The following MRPL16 variants were observed in gnomAD, a reference collection of about 807,000 sequenced individuals.
MRPL16 encodes mitochondrial ribosomal protein L16, also known as large ribosomal subunit protein uL16m.
In MRPL16, 17 loss-of-function variants were observed where a neutral mutation model predicts 22.7. The ratio of observed to expected loss-of-function variants is 0.75; its 90% CI spans 0.51 to 1.12. The LOEUF (loss-of-function observed/expected upper bound fraction) is 1.12. Ranked by LOEUF, MRPL16 falls within the 50% of genes most tolerant of loss-of-function variation. The probability of loss-of-function intolerance (pLI) is 0.00; values close to 1 mark genes in which losing one functional copy is unlikely to be tolerated. For missense variants in MRPL16, 316 were observed against 328.7 expected, an observed-to-expected ratio of 0.96 and a Z score of 0.30; for synonymous variants, 103 against 112.8, an observed-to-expected ratio of 0.91 and a Z score of 0.55.
intron 2 of MRPL16, 176 bp downstream of exon 2, chr11:59,809,679 T>G: frequency 4.5e-6 from 3 of 670,594 alleles, no homozygotes; most frequent in Non-Finnish European, 7.4e-6. Flanking sequence ...TCCTTTGTCT[T>G]TGATTTATTT....
At chr11:59,809,502 C>T (rs1866151454) in intron 2 of MRPL16, 1 of 233,646 alleles carries the variant, frequency 4.3e-6, no homozygotes, top group Admixed American at 6.2e-5. Context: ...GCCTCCGCCT[C>T]CTAAAGTGCT....
At chr11:59,810,060 C>T in intron 1 of MRPL16, 140 bp from the exon 2 acceptor site, 1 of 732,166 alleles carries the variant, frequency 1.4e-6, no homozygotes, top group Non-Finnish European at 2.1e-6. Flanking sequence ...GGATCCAGTG[C>T]AGTGGCGCGA....
intron 2 of MRPL16, 127 bp from the exon 3 acceptor site, chr11:59,807,976 G>GTC: frequency 9.1e-7 from 1 of 1,100,812 alleles, no homozygotes; most frequent in South Asian, 1.7e-5. Flanking sequence ...TAGAGACAGG[G>GTC]TCTCACTATG....
rs369597863 is a variant in MRPL16, at chr11:59,810,689, C to A, written c.-31G>T. On this transcript the variant is annotated 5_prime_UTR_variant, in exon 1 of 4. Coordinates refer to ENST00000300151, the MANE Select transcript of MRPL16 (RefSeq NM_017840.4). ...CGGGCGTCCGGCGGCGCGGAGCTCC[C>A]CCAGCGACTCCGGCTGTCTCCTGCA... 185 of 1,613,136 alleles carry A rather than the reference C, an allele frequency of 1.1e-4. No individual in the cohort carries two copies. The African/African-American group carries it at 2.3e-3, about 20-fold the overall frequency.
At chr11:59,808,919 A>G (rs1043691112) in intron 2 of MRPL16, 1 of 152,208 alleles carries the variant, frequency 6.6e-6, no homozygotes, top group Non-Finnish European at 1.5e-5. Context: ...AATCATTTTT[A>G]AAAATTTCTT....
intron 3 of MRPL16, 73 bp downstream of exon 3, chr11:59,807,628 T>TA (rs1776017487): frequency 2.0e-6 from 3 of 1,469,772 alleles, no homozygotes; most frequent in Non-Finnish European, 9.2e-7. Flanking sequence ...GAGACTAAAT[T>TA]ATCTCAAGGA....
At position 59,806,391 on chromosome 11, in the gene MRPL16, T is replaced by C. The variant is rs1866089224; in HGVS notation, c.712A>G (p.Lys238Glu). 4 of 1,614,086 alleles carry C rather than the reference T, an allele frequency of 2.5e-6. No homozygotes were observed. Among genetic ancestry groups the C allele is most frequent in the Non-Finnish European group, 3.4e-6 (4 of 1,180,040 alleles). ...TAGAACTTGCCCCAGTATTTCCCCT[T>C]GTGGGTCAAGTCATATGGGCTCAGT... The part of the protein sequence containing the change: ...KVLSPYDLTH[K>E]GKYWGKFYMP... Residue 238 changes from lysine to glutamate, a missense_variant, in exon 4 of 4, where the codon AAG (lysine) becomes GAG (glutamate). By Grantham distance (56) the Lys-to-Glu change is moderately conservative. Coordinates refer to ENST00000300151, the MANE Select transcript of MRPL16 (RefSeq NM_017840.4).
In MRPL16 at chr11:59,807,784, T is replaced by C. The variant is rs1401376575; in HGVS notation, c.187A>G (p.Arg63Gly). 6.2e-7 allele frequency: 1 copy of C among 1,613,724 alleles called. No homozygotes were observed. Among genetic ancestry groups the C allele is most frequent in the South Asian group, 1.1e-5 (1 of 90,952 alleles). Reference protein sequence around the residue: ...IERAPLVPKVRREPKNLSDIR... With the variant: ...IERAPLVPKVGREPKNLSDIR... ...TCACTTAAATTTTTAGGTTCTCTTC[T>C]TACTTTTGGCACAAGTGGTGCCCTT... The change falls in exon 3 of 4, where the codon AGA becomes GGA. Residue 63 changes from arginine (R) to glycine (G), a missense_variant. Arg to Gly is a moderately radical substitution (Grantham distance 125). Transcript: ENST00000300151.
rs1866094885 is a variant in MRPL16, at chr11:59,806,538, C to CAGCA, written c.564_565insTGCT (p.Ala189CysfsTer21). ...TTCTCTAGAGTCCCGCGGCTCACAG[C>CAGCA]CTTTGCTGCGAAGGGCAACTTGTGG... is the stretch of plus-strand genomic sequence containing the variant. On this transcript the variant is annotated frameshift_variant, in exon 4 of 4. Transcript: ENST00000300151. LOFTEE classifies it high-confidence loss of function. The CAGCA allele has an allele frequency of 6.2e-7, 1 of 1,614,236 alleles. No individual in the cohort carries two copies. The highest frequency in any genetic ancestry group is 8.5e-7 in the Non-Finnish European group (1 of 1,180,050).
intron 3 of MRPL16, 100 bp from the exon 4 acceptor site, chr11:59,806,932 A>G: frequency 6.8e-7 from 1 of 1,460,894 alleles, no homozygotes; most frequent in African/African-American, 1.4e-5. Context: ...CAATGATACA[A>G]TTGAAAATAA....
In MRPL16 at chr11:59,807,862, C is replaced by T; in HGVS notation, c.122-13G>A. On this transcript the variant is annotated splice_polypyrimidine_tract_variant and intron_variant, in intron 2 of 3. Coordinates refer to ENST00000300151, the MANE Select transcript of MRPL16 (RefSeq NM_017840.4). The stretch of plus-strand genomic sequence containing the variant: ...GGAATGGAAACATCTAAAAGAAGCA[C>T]AGACAACCAGGATAAAGTAAAACTA... 6.3e-7 allele frequency: 1 copy of T among 1,597,086 alleles called. No homozygotes were observed. Among genetic ancestry groups the T allele is most frequent in the Non-Finnish European group, 8.5e-7 (1 of 1,172,774 alleles).
chr11:59,810,598 T>G lies in MRPL16; in HGVS notation c.55+6A>C. The G allele has an allele frequency of 1.9e-6, 3 of 1,614,052 alleles. No individual in the cohort carries two copies. The highest frequency in any genetic ancestry group is 2.5e-6 in the Non-Finnish European group (3 of 1,179,936). On this transcript the variant is annotated splice_donor_region_variant and intron_variant, in intron 1 of 3. Transcript: ENST00000300151. The stretch of plus-strand genomic sequence containing the variant: ...AAGTCTTTAGGAACCAAAAGGGACT[T>G]CTGACCTGACAAGGGCACCCGCAGG...
Position 59,807,818 on chromosome 11 carries a change from T to C in MRPL16, c.153A>G (p.Arg51=), listed in dbSNP as rs1015155684. ...DVSIPEKPKL[R]FIERAPLVPK... ...GCACAAGTGGTGCCCTTTCAATAAA[T>C]CTAAGCTTGGGTTTTTCAGGAATGG... is the stretch of plus-strand genomic sequence containing the variant. The change falls in exon 3 of 4, where the codon AGA becomes AGG. Residue 51 remains arginine (R), a synonymous_variant. Transcript: ENST00000300151. 1.2e-6 allele frequency: 2 copies of C among 1,610,956 alleles called. No individual in the cohort carries two copies. The highest frequency in any genetic ancestry group is 1.7e-6 in the Non-Finnish European group (2 of 1,178,882).
Position 59,810,263 on chromosome 11 carries a change from C to T in MRPL16, c.55+341G>A. The stretch of plus-strand genomic sequence containing the variant: ...ACCTCAAGTGATTCGCCCGCCTCGG[C>T]CTCCCAAAGTGCTGCTATTAAAGGC... On this transcript the variant is annotated intron_variant, in intron 1 of 3. Transcript: ENST00000300151. The T allele has an allele frequency of 6.6e-6, 8 of 1,217,544 alleles. No homozygotes were observed. In the South Asian group the frequency reaches 1.7e-4, roughly 27 times the overall value. The allele number at this position is 1,217,544 out of a possible 1,614,324, so 75.4% of individuals were successfully genotyped here.
chr11:59,810,337 G>T (rs1188533942), intron 1 of MRPL16: 1 of 1,350,330 alleles, frequency 7.4e-7, no homozygotes, highest in Non-Finnish European at 9.5e-7. Context: ...GGAGTCTTGA[G>T]GTGTGGGATG....
At position 59,806,200 on chromosome 11, in the gene MRPL16, A is replaced by G; in HGVS notation, c.*147T>C. The stretch of plus-strand genomic sequence containing the variant: ...TACAGTTTTCTTTTTAAATCAACAA[A>G]TAACATTGTTTTTCAGAAATCTACT... On this transcript the variant is annotated 3_prime_UTR_variant, in exon 4 of 4. Transcript: ENST00000300151. 2.3e-6 allele frequency: 2 copies of G among 863,506 alleles called. No homozygotes were observed. Among genetic ancestry groups the G allele is most frequent in the East Asian group, 2.5e-5 (1 of 40,496 alleles). The allele number at this position is 863,506 out of a possible 1,614,324, so 53.5% of individuals were successfully genotyped here.
Position 59,810,649 on chromosome 11 carries a change from G to C in MRPL16, c.10C>G (p.Leu4Val). 9.3e-6 allele frequency: 15 copies of C among 1,614,140 alleles called. No individual in the cohort carries two copies. Among genetic ancestry groups the C allele is most frequent in the South Asian group, 2.2e-5 (2 of 91,084 alleles). Residue 4 changes from leucine to valine, a missense_variant, in exon 1 of 4, where the codon CTG becomes GTG. Transcript: ENST00000300151. MWR[L>V]LARASAPLLR... is the part of the protein sequence containing the mutation. ...AGCGGCGCACTAGCGCGAGCCAGCA[G>C]CCTCCACATGGTCACGGGCGTCCGG... is the stretch of plus-strand genomic sequence containing the variant.
intron 2 of MRPL16, 97 bp downstream of exon 2, chr11:59,809,758 G>T (rs1866154074): frequency 9.7e-7 from 1 of 1,035,602 alleles, no homozygotes; most frequent in Admixed American, 2.4e-5. Context: ...GAGTGAACGG[G>T]GATGGGAAAC....
chr11:59,806,936 A>T, intron 3 of MRPL16, 104 bp from the exon 4 acceptor site: 1 of 1,453,924 alleles, frequency 6.9e-7, no homozygotes, highest in South Asian at 1.4e-5. Flanking sequence ...GATACAATTG[A>T]AAATAAAAAT....
Sources: allele counts gnomAD v4.1 joint callset, GRCh38; gene constraint gnomAD v4.1.1; transcripts MANE v1.5; gene names NCBI Gene and HGNC (gene_info 2026-07-23, HGNC 2026-07-21).